SAXO1: variants seen among roughly 807,000 people sequenced by gnomAD.
The protein encoded by SAXO1 is 4930500O09Rik.
In SAXO1, 21 loss-of-function variants were observed where a neutral mutation model predicts 17.5. The ratio of observed to expected loss-of-function variants is 1.20; its 90% CI spans 0.85 to 1.72. The LOEUF (loss-of-function observed/expected upper bound fraction) is 1.72. Ranked by LOEUF, SAXO1 falls within the 40% of genes most tolerant of loss-of-function variation. SAXO1 has a pLI of 0.00. For synonymous variants in SAXO1, 274 were observed against 216.5 expected (o/e 1.27, Z -2.33); for missense variants, 843 against 596.0 (o/e 1.41, Z -4.32).
intron 1 of SAXO1, among the ~76,000 whole-genome samples, chr9:18,952,515 G>C (rs145256822): frequency 3.7e-4 from 57 of 152,258 alleles, no homozygotes; most frequent in African/African-American, 1.3e-3. Context: ...CTACTCTCCA[G>C]AGAAAATCAT....
intron 1 of SAXO1, among the ~76,000 whole-genome samples, chr9:19,046,935 C>G (rs543506661): frequency 6.6e-6 from 1 of 152,122 alleles, no homozygotes; most frequent in South Asian, 2.1e-4. Context: ...GCCTGTAACC[C>G]CAGCACTTTG....
chr9:19,044,346 CAAA>C (rs1166519702), intron 1 of SAXO1, among the ~76,000 whole-genome samples: 1 of 152,130 alleles, frequency 6.6e-6, no homozygotes, highest in Non-Finnish European at 1.5e-5. Context: ...TACTTACTAT[CAAA>C]TTATCATTAT....
At chr9:19,033,603 T>C (rs1181980213), upstream of SAXO1, among the ~76,000 whole-genome samples, 2 of 152,238 alleles carry the variant, frequency 1.3e-5, no homozygotes, top group African/African-American at 2.4e-5. Context: ...TGGCTTCAGA[T>C]GTCTGTTAGA....
At position 19,028,018 on chromosome 9, in the gene SAXO1, G is replaced by C; in HGVS notation, c.38+4853C>G. The C allele has an allele frequency of 1.9e-6, 3 of 1,605,658 alleles. No homozygotes were observed. The East Asian group carries it at 6.7e-5, about 36-fold the overall frequency. On this transcript the variant is annotated intron_variant, in intron 1 of 3. Coordinates refer to ENST00000380534, the MANE Select transcript of SAXO1 (RefSeq NM_153707.4). ...GGCCCAGTGCAAGGCTGTGTCTGTG[G>C]AGGCGGGTATGATCGCACTGCGCAG...
intron 2 of SAXO1, among the ~76,000 whole-genome samples, chr9:18,950,078 G>A (rs1831968123): frequency 6.6e-6 from 1 of 151,980 alleles, no homozygotes. Flanking sequence ...CAAGAGCCTT[G>A]CTTATAGACC....
chr9:18,980,937 C>A (rs1184274557), intron 1 of SAXO1, among the ~76,000 whole-genome samples: 1 of 152,098 alleles, frequency 6.6e-6, no homozygotes, highest in Non-Finnish European at 1.5e-5. Context: ...GAGATTTTCA[C>A]CTTTAAAATG....
chr9:19,027,707 G>A, intron 1 of SAXO1: 2 of 1,379,364 alleles, frequency 1.4e-6, no homozygotes, highest in South Asian at 1.2e-5. Context: ...GGATGCCATA[G>A]GCACCAAGCA....
intron 1 of SAXO1, 106 bp downstream of exon 1, chr9:19,032,765 A>C: frequency 3.1e-6 from 4 of 1,277,508 alleles, no homozygotes; most frequent in Non-Finnish European, 4.4e-6. Flanking sequence ...CAAGTGGACG[A>C]ACCCACCGTG....
upstream of SAXO1, among the ~76,000 whole-genome samples, chr9:19,033,676 C>G (rs7036301): frequency 0.47 from 71,194 of 152,162 alleles, 17,877 homozygotes; most frequent in African/African-American, 0.66. Flanking sequence ...CCCAGGCCTT[C>G]ACTGCTCAGG....
chr9:18,962,295 C>T (rs763307331), intron 1 of SAXO1, among the ~76,000 whole-genome samples: 5 of 152,058 alleles, frequency 3.3e-5, no homozygotes, highest in East Asian at 1.9e-4. Flanking sequence ...CTTGAACTCC[C>T]GAACTCAGAT....
intron 1 of SAXO1, among the ~76,000 whole-genome samples, chr9:19,047,744 G>A (rs1035855345): frequency 2.0e-5 from 3 of 152,114 alleles, no homozygotes; most frequent in Middle Eastern, 3.4e-3. Flanking sequence ...CAAGTGTGAG[G>A]GTAAAAACAA....
At chr9:18,987,001 T>C (rs1833620030) in intron 1 of SAXO1, among the ~76,000 whole-genome samples, 1 of 152,210 alleles carries the variant, frequency 6.6e-6, no homozygotes, top group Admixed American at 6.5e-5. Flanking sequence ...GGTTAATAGA[T>C]ACAACACAAT....
chr9:18,937,104 C>G (rs1474272945), intron 3 of SAXO1, among the ~76,000 whole-genome samples: 1 of 152,176 alleles, frequency 6.6e-6, no homozygotes, highest in Non-Finnish European at 1.5e-5. Flanking sequence ...ATGGAAAAGA[C>G]TTAAGAAAGC....
intron 1 of SAXO1, among the ~76,000 whole-genome samples, chr9:18,961,690 G>C (rs1003367648): frequency 6.6e-6 from 1 of 152,176 alleles, no homozygotes; most frequent in African/African-American, 2.4e-5. Flanking sequence ...TGGCTGCACA[G>C]TATTCCATGG....
upstream of SAXO1, among the ~76,000 whole-genome samples, chr9:19,035,781 G>A (rs901201208): frequency 1.2e-4 from 18 of 152,166 alleles, no homozygotes; most frequent in African/African-American, 4.3e-4. Flanking sequence ...AGAGACTGGT[G>A]GCATTTTGCC....
chr9:18,973,728 T>C (rs1185918018), intron 1 of SAXO1, among the ~76,000 whole-genome samples: 1 of 152,218 alleles, frequency 6.6e-6, no homozygotes, highest in Non-Finnish European at 1.5e-5. Flanking sequence ...AGCTACTCAC[T>C]TGGGTGAAAA....
chr9:18,959,371 G>A (rs1019363851), intron 1 of SAXO1, among the ~76,000 whole-genome samples: 1 of 152,174 alleles, frequency 6.6e-6, no homozygotes, highest in Non-Finnish European at 1.5e-5. Flanking sequence ...GAGGGCAGAT[G>A]GATGACATTA....
intron 1 of SAXO1, among the ~76,000 whole-genome samples, chr9:18,992,727 G>A (rs1349238298): frequency 6.6e-6 from 1 of 152,072 alleles, no homozygotes; most frequent in East Asian, 1.9e-4. Context: ...GAATGAGGGA[G>A]ATGACTACGA....
chr9:19,026,854 C>T (rs2131035755), intron 1 of SAXO1: 2 of 638,900 alleles, frequency 3.1e-6, no homozygotes, highest in South Asian at 1.5e-5. Flanking sequence ...CATGGTGAAA[C>T]CCCATCTCTA....
Sources: allele counts gnomAD v4.1 joint callset (sites outside exome capture counted in the v4.1 genomes callset), GRCh38; gene constraint gnomAD v4.1.1; transcripts MANE v1.5; gene names NCBI Gene and HGNC (gene_info 2026-07-23, HGNC 2026-07-21).